The following LINGO2 variants were observed in gnomAD, a reference collection of about 807,000 sequenced individuals.
LINGO2 encodes leucine-rich repeat and immunoglobulin-like domain-containing nogo receptor-interacting protein 2.
A neutral mutation model predicts 30.6 loss-of-function variants in LINGO2; 14 were observed. That is an observed-to-expected ratio of 0.46 (90% CI 0.30 to 0.72). The LOEUF (loss-of-function observed/expected upper bound fraction) is 0.72. Ranked by LOEUF, LINGO2 falls within the 30% of genes least tolerant of loss-of-function variation. The probability of loss-of-function intolerance (pLI) is 0.07; values close to 1 mark genes in which losing one functional copy is unlikely to be tolerated. For synonymous variants in LINGO2, 317 were observed against 288.5 expected (o/e 1.10, Z -1.00); for missense variants, 729 against 751.7 (o/e 0.97, Z 0.35).
In LINGO2 at chr9:28,147,255, G is replaced by A. The variant is rs558598071; in HGVS notation, c.-86-134850C>T. Among the ~76,000 whole-genome samples the A allele has an allele frequency of 2.2e-4, 34 of 152,322 alleles. No individual in the cohort carries two copies. The highest frequency in any genetic ancestry group is 1.4e-3 in the East Asian group (7 of 5,180). On this transcript the variant is annotated intron_variant, in intron 4 of 5. Transcript: ENST00000379992. This position sits in a 1 kb window ranked among gnomAD's most constrained non-coding sequence, Gnocchi z 4.7. Reference sequence around the variant, plus strand: ...GATCATGAGGCACACAGGCCAGAGCGCCAGCTGTGGAATCGCACAGCCTGG... The same window carrying A: ...GATCATGAGGCACACAGGCCAGAGCACCAGCTGTGGAATCGCACAGCCTGG...
chr9:28,312,146 T>TTCTTTTG (rs1448168118), intron 3 of LINGO2, among the ~76,000 whole-genome samples: 1 of 83,094 alleles, frequency 1.2e-5, no homozygotes, highest in Non-Finnish European at 3.1e-5. Context: ...TTTAGATGTT[T>TTCTTTTG]TCTTTTTTCT....
chr9:28,601,714 A>G (rs1825484170), intron 1 of LINGO2, among the ~76,000 whole-genome samples: 1 of 152,160 alleles, frequency 6.6e-6, no homozygotes. Context: ...TCTGAAAGAT[A>G]AAACTCCTGC....
chr9:28,291,751 CAGAG>C (rs1239217621), intron 4 of LINGO2, among the ~76,000 whole-genome samples: 1 of 152,024 alleles, frequency 6.6e-6, no homozygotes, highest in Non-Finnish European at 1.5e-5. Flanking sequence ...TCAGATGATG[CAGAG>C]AGAGAGAATG....
chr9:28,554,666 A>G (rs1192047550), intron 1 of LINGO2, among the ~76,000 whole-genome samples: 1 of 79,092 alleles, frequency 1.3e-5, no homozygotes, highest in Non-Finnish European at 2.5e-5. Flanking sequence ...ACATCTACAG[A>G]ACTCTCCACC....
the LINGO2 span, among the ~76,000 whole-genome samples, chr9:28,878,687 C>T: frequency 8.5e-3 from 1,292 of 152,204 alleles, 22 homozygotes; most frequent in African/African-American, 0.028. Flanking sequence ...GTTCAATATA[C>T]GCAAATCAAT....
At chr9:28,212,288 TA>T (rs1341858051) in intron 4 of LINGO2, among the ~76,000 whole-genome samples, 4 of 151,446 alleles carry the variant, frequency 2.6e-5, no homozygotes, top group African/African-American at 9.7e-5. Flanking sequence ...ATAATCTCAT[TA>T]GTTTCATTTA....
the LINGO2 span, among the ~76,000 whole-genome samples, chr9:29,085,532 T>C: frequency 1.3e-5 from 2 of 151,944 alleles, no homozygotes; most frequent in Non-Finnish European, 2.9e-5. Flanking sequence ...AGAAGTACTA[T>C]ATCTAAATTT....
At chr9:28,074,716 GTGT>G (rs1825574829) in intron 4 of LINGO2, among the ~76,000 whole-genome samples, 2 of 152,122 alleles carry the variant, frequency 1.3e-5, no homozygotes, top group Non-Finnish European at 2.9e-5. Flanking sequence ...AATGCATTGT[GTGT>G]TGATTTTTAT....
chr9:29,079,741 G>C, the LINGO2 span, among the ~76,000 whole-genome samples: 2 of 151,724 alleles, frequency 1.3e-5, no homozygotes, highest in Non-Finnish European at 2.9e-5. Context: ...CAAAATGAAA[G>C]GACATATGGT....
chr9:28,916,704 A>G, the LINGO2 span, among the ~76,000 whole-genome samples: 8,336 of 152,184 alleles, frequency 0.055, 691 homozygotes, highest in African/African-American at 0.17. Flanking sequence ...TAGCCCAACC[A>G]CCTTGGGAAC....
At chr9:28,775,921 A>G in the LINGO2 span, among the ~76,000 whole-genome samples, 1 of 152,314 alleles carries the variant, frequency 6.6e-6, no homozygotes, top group East Asian at 1.9e-4. Flanking sequence ...AACATCATAT[A>G]TCTTCTCCTT....
the LINGO2 span, among the ~76,000 whole-genome samples, chr9:28,735,392 C>T: frequency 5.3e-5 from 8 of 152,092 alleles, no homozygotes; most frequent in Non-Finnish European, 7.4e-5. Context: ...ATCTAATAAG[C>T]CTCTAAAGTA....
chr9:28,700,852 T>A, the LINGO2 span, among the ~76,000 whole-genome samples: 1 of 152,098 alleles, frequency 6.6e-6, no homozygotes, highest in Non-Finnish European at 1.5e-5. Context: ...TTCTAATAGG[T>A]ATGTAGTGGT....
At chr9:28,234,108 G>T (rs1327576270) in intron 4 of LINGO2, among the ~76,000 whole-genome samples, 1 of 152,112 alleles carries the variant, frequency 6.6e-6, no homozygotes, top group Non-Finnish European at 1.5e-5. Flanking sequence ...CAGCCACAGT[G>T]GGGTAGAGCA....
chr9:28,662,208 T>G (rs1350269727), intron 1 of LINGO2, among the ~76,000 whole-genome samples: 1 of 152,136 alleles, frequency 6.6e-6, no homozygotes, highest in Non-Finnish European at 1.5e-5. Context: ...TAGGGCAAAA[T>G]GTAATCAGAA....
chr9:27,944,378 C>G (rs1192884301), downstream of LINGO2: 4 of 152,154 alleles, frequency 2.6e-5, no homozygotes, highest in Non-Finnish European at 4.4e-5. Flanking sequence ...TAAAGCTGTC[C>G]TTTCCCAGCT....
At chr9:28,655,072 C>T (rs1828274279) in intron 1 of LINGO2, among the ~76,000 whole-genome samples, 1 of 152,044 alleles carries the variant, frequency 6.6e-6, no homozygotes, top group Non-Finnish European at 1.5e-5. Flanking sequence ...TATTGTTTGG[C>T]TGTGTCCCTA....
the LINGO2 span, among the ~76,000 whole-genome samples, chr9:29,043,768 A>T: frequency 6.6e-6 from 1 of 152,042 alleles, no homozygotes; most frequent in Non-Finnish European, 1.5e-5. Context: ...AAACACAGTT[A>T]TATGCAGTGA....
chr9:28,573,546 T>G (rs1177599942), intron 1 of LINGO2, among the ~76,000 whole-genome samples: 1 of 152,146 alleles, frequency 6.6e-6, no homozygotes, highest in African/African-American at 2.4e-5. Context: ...CAAAATGTAC[T>G]GCAGGAACAT....
Sources: gnomAD v4.1 joint callset for allele counts (sites outside exome capture counted in the v4.1 genomes callset) on GRCh38, gnomAD v4.1.1 for gene constraint, Gnocchi (gnomAD v3.1) non-coding constraint, MANE v1.5 for transcripts, NCBI Gene and HGNC (gene_info 2026-07-23, HGNC 2026-07-21) for gene names.